Variants in CDH2 observed in about 807,000 individuals in gnomAD.
CDH2 encodes the protein cadherin 2.
In CDH2, 17 loss-of-function variants were observed where a neutral mutation model predicts 92.0. The observed-to-expected ratio is 0.18, with a 90% CI of 0.13 to 0.28. The LOEUF (loss-of-function observed/expected upper bound fraction) is 0.28. CDH2 is among the 10% of genes least tolerant of loss of function. The pLI, the probability that CDH2 is intolerant of heterozygous loss-of-function variation, is 1.00. For synonymous variants in CDH2, 419 were observed against 415.9 expected, an observed-to-expected ratio of 1.01 and a Z score of -0.09; for missense variants, 862 against 1,133.1, an observed-to-expected ratio of 0.76 and a Z score of 3.44.
chr18:27,998,966 G>A (rs2012676703), intron 7 of CDH2, among the ~76,000 whole-genome samples: 1 of 152,174 alleles, frequency 6.6e-6, no homozygotes. Flanking sequence ...AGGGTAATGA[G>A]ACAAGGAATA....
At chr18:28,063,567 C>G (rs2014446361) in intron 2 of CDH2, among the ~76,000 whole-genome samples, 1 of 152,198 alleles carries the variant, frequency 6.6e-6, no homozygotes, top group Non-Finnish European at 1.5e-5. Flanking sequence ...GCATCATTAA[C>G]ACATCCTAAT....
chr18:28,165,374 A>G (rs958094647), intron 1 of CDH2, among the ~76,000 whole-genome samples: 4 of 152,102 alleles, frequency 2.6e-5, no homozygotes, highest in Admixed American at 2.6e-4. Flanking sequence ...TATTTTTTGT[A>G]GAGAGGGAGG....
At position 28,075,380 on chromosome 18, in the gene CDH2, C is replaced by T. The variant is rs1371433549; in HGVS notation, c.173-61471G>A. On this transcript the variant is annotated intron_variant, in intron 2 of 15. Coordinates refer to ENST00000269141, the MANE Select transcript of CDH2 (RefSeq NM_001792.5). ...TCAGTTTCTCTGGTCCAGTTCTGTG[C>T]CCTAGCAAGACTCATCCTTCTATTT... Among the ~76,000 whole-genome samples the T allele has an allele frequency of 2.0e-5, 3 of 152,184 alleles. No homozygotes were observed. The East Asian group carries it at 5.8e-4, about 30-fold the overall frequency.
intron 2 of CDH2, among the ~76,000 whole-genome samples, chr18:28,077,536 G>A (rs1204351148): frequency 6.6e-6 from 1 of 152,080 alleles, no homozygotes; most frequent in Non-Finnish European, 1.5e-5. Flanking sequence ...CTCCAAAATA[G>A]AGGACTAAGC....
intron 6 of CDH2, among the ~76,000 whole-genome samples, chr18:27,934,182 A>G (rs147878562): frequency 7.9e-4 from 120 of 152,256 alleles, no homozygotes; most frequent in African/African-American, 2.8e-3. Flanking sequence ...ACACATTCAC[A>G]TGCATATGGT....
At chr18:28,044,498 C>G (rs1366892361) in intron 2 of CDH2, among the ~76,000 whole-genome samples, 1 of 152,144 alleles carries the variant, frequency 6.6e-6, no homozygotes, top group Non-Finnish European at 1.5e-5. Flanking sequence ...TCAATGCTTC[C>G]TACTGTCAAT....
In CDH2 at chr18:28,155,631, C is replaced by T. The variant is rs182413668; in HGVS notation, c.61-7847G>A. Among the ~76,000 whole-genome samples, 191 of 152,224 alleles carry T rather than the reference C, an allele frequency of 1.3e-3. 3 individuals carry two copies. In the South Asian group the frequency reaches 0.027, roughly 21 times the overall value. The stretch of plus-strand genomic sequence containing the variant: ...CAACTATGGTAATACTTTTATTATG[C>T]GGTTATGTCTTCCAAACGACATAAG... On this transcript the variant is annotated intron_variant, in intron 1 of 15. Coordinates refer to ENST00000269141, the MANE Select transcript of CDH2 (RefSeq NM_001792.5).
chr18:27,982,778 GA>G (rs138322287), intron 14 of CDH2, among the ~76,000 whole-genome samples, 165 bp downstream of exon 14: 1 of 147,112 alleles, frequency 6.8e-6, no homozygotes, highest in African/African-American at 2.5e-5. Context: ...TTGGTACTTT[GA>G]AAAAAAATTT....
At chr18:28,054,805 C>A (rs1161695461) in intron 2 of CDH2, among the ~76,000 whole-genome samples, 1 of 152,184 alleles carries the variant, frequency 6.6e-6, no homozygotes, top group East Asian at 1.9e-4. Context: ...TCCTCTCAAA[C>A]CTTTGTTGCC....
chr18:28,076,780 C>CT (rs920333987), intron 2 of CDH2, among the ~76,000 whole-genome samples: 1 of 150,676 alleles, frequency 6.6e-6, no homozygotes, highest in Non-Finnish European at 1.5e-5. Flanking sequence ...TGAGGAGGCC[C>CT]TTTTCATTTA....
At chr18:28,045,373 A>T (rs1242664926) in intron 2 of CDH2, 1 of 464,760 alleles carries the variant, frequency 2.2e-6, no homozygotes, top group Admixed American at 2.4e-5. Flanking sequence ...GTTTAAACTT[A>T]TAAATAGCTC....
rs1435992815 is a variant in CDH2, at chr18:27,951,083, T to G, written c.*1070A>C. On this transcript the variant is annotated 3_prime_UTR_variant, in exon 16 of 16. Coordinates refer to ENST00000269141, the MANE Select transcript of CDH2 (RefSeq NM_001792.5). ...AGAAGTCTCTCCAGTTTAAAAGCTT[T>G]TTTTTTTCCATTTTTTTTTTAAAAA... 1 of 146,796 alleles carries G rather than the reference T, an allele frequency of 6.8e-6. No individual in the cohort carries two copies. Among genetic ancestry groups the G allele is most frequent in the Non-Finnish European group, 1.6e-5 (1 of 64,194 alleles). The allele number at this position is 146,796 out of a possible 1,614,324, so 9.1% of individuals were successfully genotyped here. A position where few individuals can be genotyped will look rare whatever the true frequency, so the allele number is the denominator to read the frequency against.
At chr18:28,116,503 T>G (rs2015498661) in intron 2 of CDH2, among the ~76,000 whole-genome samples, 2 of 152,176 alleles carry the variant, frequency 1.3e-5, no homozygotes, top group Admixed American at 1.3e-4. Flanking sequence ...CAAAGCAAAG[T>G]TTCTTGAGGA....
intron 2 of CDH2, among the ~76,000 whole-genome samples, chr18:28,061,986 G>A (rs999961012): frequency 5.9e-5 from 9 of 152,062 alleles, no homozygotes; most frequent in African/African-American, 9.7e-5. Flanking sequence ...CGGCCAAACC[G>A]TATCACCTAG....
At chr18:28,145,095 C>T (rs889565038) in intron 2 of CDH2, among the ~76,000 whole-genome samples, 5 of 151,994 alleles carry the variant, frequency 3.3e-5, no homozygotes, top group Middle Eastern at 3.2e-3. Context: ...AAATCATCAG[C>T]GTTCATGGTA....
At position 28,106,277 on chromosome 18, in the gene CDH2, C is replaced by A. The variant is rs189462427; in HGVS notation, c.172+41396G>T. ...CCTAAAAATACAAAAATTAGCAGGG[C>A]ATGGTGGTGTGCACCTGTAGTCCCA... is the stretch of plus-strand genomic sequence containing the variant. On this transcript the variant is annotated intron_variant, in intron 2 of 15. Coordinates refer to ENST00000269141, the MANE Select transcript of CDH2 (RefSeq NM_001792.5). Among the ~76,000 whole-genome samples, 17 of 152,198 alleles carry A rather than the reference C, an allele frequency of 1.1e-4. No homozygotes were observed. In the East Asian group the frequency reaches 3.3e-3, roughly 29 times the overall value.
At chr18:27,949,361 C>A (rs1909354292), downstream of CDH2, among the ~76,000 whole-genome samples, 1 of 151,930 alleles carries the variant, frequency 6.6e-6, no homozygotes, top group African/African-American at 2.4e-5. Context: ...CAAGACTCTA[C>A]TAGTACTAGA....
chr18:28,064,431 T>C (rs929317731), intron 2 of CDH2, among the ~76,000 whole-genome samples: 8 of 152,094 alleles, frequency 5.3e-5, no homozygotes, highest in African/African-American at 1.9e-4. Flanking sequence ...ACACCTGGCA[T>C]CCTCTTTTCT....
chr18:27,985,135 T>C lies in CDH2; in HGVS notation c.2074A>G (p.Asn692Asp). Residue 692 changes from asparagine to aspartate, a missense_variant, in exon 13 of 16, where the codon AAT becomes GAT. This residue lies in a region of CDH2 where 564 missense variants were observed against 722.2 expected (regional missense o/e 0.78). Coordinates refer to ENST00000269141, the MANE Select transcript of CDH2 (RefSeq NM_001792.5). ...ITDSGNPPKSNISILRVKVCQ... is the reference protein window; with the variant it reads ...ITDSGNPPKSDISILRVKVCQ... The stretch of plus-strand genomic sequence containing the variant: ...ACCTTCACACGCAGGATGGAAATAT[T>C]TGATTTGGGAGGATTACCCGAATCT... The C allele has an allele frequency of 6.2e-7, 1 of 1,613,838 alleles. No individual in the cohort carries two copies. Among genetic ancestry groups the C allele is most frequent in the Non-Finnish European group, 8.5e-7 (1 of 1,179,712 alleles).
Sources: allele counts gnomAD v4.1 joint callset (sites outside exome capture counted in the v4.1 genomes callset), GRCh38; gene constraint gnomAD v4.1.1; regional missense constraint gnomAD v4.1.1; transcripts MANE v1.5; gene names NCBI Gene and HGNC (gene_info 2026-07-23, HGNC 2026-07-21).